SPRED2: variants seen among roughly 807,000 people sequenced by gnomAD.
The protein encoded by SPRED2 is sprouty related EVH1 domain containing 2, also known as sprouty-related, EVH1 domain-containing protein 2.
Under a neutral mutation model 43.0 loss-of-function variants are expected in SPRED2, and 47 were observed. The ratio of observed to expected loss-of-function variants is 1.09; its 90% CI spans 0.87 to 1.40. The LOEUF (loss-of-function observed/expected upper bound fraction) is 1.40, where lower values mean the gene tolerates loss of function less well. Among genes scored for constraint, SPRED2 ranks in the 40% most tolerant of loss-of-function variants. The probability of loss-of-function intolerance (pLI) is 0.00; values close to 1 mark genes in which losing one functional copy is unlikely to be tolerated. For synonymous variants in SPRED2, 225 were observed against 225.7 expected, an observed-to-expected ratio of 1.00 and a Z score of 0.03; for missense variants, 561 against 586.4, an observed-to-expected ratio of 0.96 and a Z score of 0.45.
At chr2:65,400,575 ATGTTCCAT>A (rs1024834435) in intron 1 of SPRED2, among the ~76,000 whole-genome samples, 87 of 152,236 alleles carry the variant, frequency 5.7e-4, no homozygotes, top group African/African-American at 2.0e-3. Context: ...TGGTGGCCCC[ATGTTCCAT>A]CTAGGCCGAC....
intron 1 of SPRED2, among the ~76,000 whole-genome samples, chr2:65,399,257 G>A (rs867978084): frequency 1.9e-4 from 25 of 133,002 alleles, no homozygotes; most frequent in South Asian, 9.2e-4. Flanking sequence ...CAACAAGAGC[G>A]AAAATCTGTC....
intron 1 of SPRED2, among the ~76,000 whole-genome samples, chr2:65,389,956 T>A (rs751544280): frequency 2.0e-5 from 3 of 152,204 alleles, no homozygotes; most frequent in African/African-American, 7.2e-5. Flanking sequence ...TACTCAGAGA[T>A]AATACTGTTA....
At position 65,313,899 on chromosome 2, in the gene SPRED2, C is replaced by T. The variant is rs965508368; in HGVS notation, c.859G>A (p.Val287Met). ...CCCCGGGAGGGCTGCGTCTTGATCA[C>T]GCTGCCCCCGCGGCCTTTGGGGTCC... Reference protein sequence around the residue: ...GEDPKGRGGSVIKTQPSRGKS... With the variant: ...GEDPKGRGGSMIKTQPSRGKS... Residue 287 changes from valine to methionine, a missense_variant, in exon 6 of 6, where the codon GTG (valine) becomes ATG (methionine). Physicochemically the swap from Val to Met is conservative, Grantham distance 21. Transcript: ENST00000356388. The T allele has an allele frequency of 9.3e-6, 15 of 1,610,142 alleles. 1 individual carries two copies. Among genetic ancestry groups the T allele is most frequent in the Admixed American group, 8.3e-5 (5 of 60,022 alleles).
chr2:65,334,453 C>T, intron 3 of SPRED2, 152 bp downstream of exon 3: 1 of 792,022 alleles, frequency 1.3e-6, no homozygotes, highest in Non-Finnish European at 2.0e-6. Context: ...TAATTACTCT[C>T]CTTGGAAATT....
intron 4 of SPRED2, among the ~76,000 whole-genome samples, chr2:65,331,541 T>TAA (rs1288085649): frequency 1.3e-5 from 2 of 152,184 alleles, no homozygotes; most frequent in African/African-American, 4.8e-5. Flanking sequence ...TCAGGAAAGA[T>TAA]ACTGCTGGCT....
chr2:65,380,737 G>A (rs553328405), intron 1 of SPRED2: 2 of 152,288 alleles, frequency 1.3e-5, no homozygotes, highest in African/African-American at 4.8e-5. Flanking sequence ...TGAGAGAGGA[G>A]TCTCCTGAGG....
At chr2:65,368,239 C>G (rs1675034698) in intron 1 of SPRED2, among the ~76,000 whole-genome samples, 1 of 152,194 alleles carries the variant, frequency 6.6e-6, no homozygotes, top group Non-Finnish European at 1.5e-5. Context: ...TTCAAACTGG[C>G]TCCAAATGGT....
At chr2:65,430,290 G>A (rs868626353) in intron 1 of SPRED2, among the ~76,000 whole-genome samples, 10 of 152,306 alleles carry the variant, frequency 6.6e-5, no homozygotes, top group South Asian at 4.1e-4. Context: ...AACACCAGCA[G>A]ATGCGGTGGG....
At chr2:65,308,472 C>T, downstream of SPRED2, 1 of 985,428 alleles carries the variant, frequency 1.0e-6, no homozygotes, top group Non-Finnish European at 1.2e-6. Context: ...TCTCAACACA[C>T]AGGATGTAGA....
chr2:65,378,060 C>T (rs174847), intron 1 of SPRED2: 70,552 of 194,112 alleles, frequency 0.36, 13,645 homozygotes, highest in Non-Finnish European at 0.43. Flanking sequence ...AGGAGAGAGC[C>T]CATCCAGTAA....
intron 1 of SPRED2, among the ~76,000 whole-genome samples, chr2:65,394,071 T>G (rs776707822): frequency 1.3e-5 from 2 of 152,164 alleles, no homozygotes; most frequent in African/African-American, 2.4e-5. Flanking sequence ...TTTCAATGAA[T>G]AGCAGCTGCT....
At position 65,432,233 on chromosome 2, in the gene SPRED2, G is replaced by A; in HGVS notation, c.-246C>T. On this transcript the variant is annotated 5_prime_UTR_variant, in exon 1 of 6. Transcript: ENST00000356388. ...AGCGCCGTGGGGAGAGGCGGGCGGA[G>A]GCTCCGGGGGCTCGGGAGCGGGCAG... is the stretch of plus-strand genomic sequence containing the variant. 1.9e-6 allele frequency: 1 copy of A among 538,782 alleles called. No individual in the cohort carries two copies. Among genetic ancestry groups the A allele is most frequent in the Non-Finnish European group, 3.3e-6 (1 of 299,364 alleles). 33.4% of individuals were successfully genotyped at this position (538,782 alleles called of 1,614,324 possible).
chr2:65,370,445 G>C (rs1462500934), intron 1 of SPRED2, among the ~76,000 whole-genome samples: 1 of 152,160 alleles, frequency 6.6e-6, no homozygotes, highest in Non-Finnish European at 1.5e-5. Flanking sequence ...AGCTACAAAG[G>C]CAGGACTGAG....
downstream of SPRED2, chr2:65,308,571 G>A (rs886431151): frequency 5.1e-6 from 5 of 985,370 alleles, no homozygotes; most frequent in Admixed American, 1.2e-4. Flanking sequence ...GTTTCCTCAG[G>A]GCCTCAGAAT....
intron 1 of SPRED2, among the ~76,000 whole-genome samples, chr2:65,390,282 T>C (rs1012472104): frequency 5.3e-5 from 8 of 152,120 alleles, no homozygotes; most frequent in Non-Finnish European, 8.8e-5. Flanking sequence ...CTGAAAGAAC[T>C]CTATCACCAG....
chr2:65,335,111 T>C (rs1471326292), intron 2 of SPRED2, among the ~76,000 whole-genome samples: 1 of 152,238 alleles, frequency 6.6e-6, no homozygotes, highest in Non-Finnish European at 1.5e-5. Context: ...GGGGTTTTTA[T>C]ATTGATGGTC....
chr2:65,353,060 G>C (rs1674555423), intron 1 of SPRED2, among the ~76,000 whole-genome samples: 1 of 152,208 alleles, frequency 6.6e-6, no homozygotes, highest in Admixed American at 6.5e-5. Context: ...GGCGGTGGTA[G>C]TCTTTGCTTT....
chr2:65,314,574 G>A (rs944949116), intron 5 of SPRED2, among the ~76,000 whole-genome samples: 1 of 152,160 alleles, frequency 6.6e-6, no homozygotes, highest in Non-Finnish European at 1.5e-5. Context: ...CTCCCTCAGG[G>A]ATCTCCTAGC....
intron 4 of SPRED2, among the ~76,000 whole-genome samples, chr2:65,326,095 A>T (rs577885420): frequency 1.3e-5 from 2 of 152,292 alleles, no homozygotes; most frequent in South Asian, 4.1e-4. Context: ...GTAGTTATGG[A>T]CTACATTTGC....
Sources: gnomAD v4.1 joint callset for allele counts (sites outside exome capture counted in the v4.1 genomes callset) on GRCh38, gnomAD v4.1.1 for gene constraint, MANE v1.5 for transcripts, NCBI Gene and HGNC (gene_info 2026-07-23, HGNC 2026-07-21) for gene names.